PRPF3: variants seen among roughly 807,000 people sequenced by gnomAD.
PRPF3 encodes the protein pre-mRNA processing factor 3, also known as U4/U6 small nuclear ribonucleoprotein Prp3.
PRPF3 carries 3 observed loss-of-function variants against 89.2 expected under a neutral mutation model. That is an observed-to-expected ratio of 0.03 (90% CI 0.02 to 0.09). The LOEUF is 0.09. PRPF3 is among the 10% of genes least tolerant of loss of function. The pLI, the probability that PRPF3 is intolerant of heterozygous loss-of-function variation, is 1.00. For missense variants in PRPF3, 463 were observed against 828.8 expected, an observed-to-expected ratio of 0.56 and a Z score of 5.42; for synonymous variants, 270 against 289.1, an observed-to-expected ratio of 0.93 and a Z score of 0.67.
At chr1:150,323,398 C>T (rs1236923867) in intron 1 of PRPF3, among the ~76,000 whole-genome samples, 3 of 151,770 alleles carry the variant, frequency 2.0e-5, no homozygotes, top group Non-Finnish European at 4.4e-5. Context: ...AATCCCAGAA[C>T]TTTCGGAGGT....
At chr1:150,323,421 A>G (rs1655325464) in intron 1 of PRPF3, among the ~76,000 whole-genome samples, 1 of 151,800 alleles carries the variant, frequency 6.6e-6, no homozygotes, top group African/African-American at 2.4e-5. Flanking sequence ...AGGTGGGCAG[A>G]TCACTTGAGG....
chr1:150,327,665 G>A, intron 3 of PRPF3: 3 of 982,628 alleles, frequency 3.1e-6, no homozygotes, highest in Non-Finnish European at 3.6e-6. Flanking sequence ...GTGTACATTT[G>A]CTTTTTCCCA....
chr1:150,332,590 G>A, intron 4 of PRPF3, 94 bp from the exon 5 acceptor site: 2 of 1,207,666 alleles, frequency 1.7e-6, no homozygotes, highest in Non-Finnish European at 1.2e-6. Flanking sequence ...CATTTTAAGT[G>A]TCTAGACCTG....
chr1:150,323,908 C>G (rs1655400015), intron 1 of PRPF3, among the ~76,000 whole-genome samples: 1 of 150,994 alleles, frequency 6.6e-6, no homozygotes, highest in South Asian at 2.1e-4. Flanking sequence ...TCCCGAGTAG[C>G]TGGGATTACA....
At chr1:150,350,738 A>G (rs911154734) in intron 15 of PRPF3, among the ~76,000 whole-genome samples, 2 of 152,044 alleles carry the variant, frequency 1.3e-5, no homozygotes, top group Admixed American at 1.3e-4. Context: ...AGGTGGTTGG[A>G]TCACTTGAGC....
At chr1:150,338,062 G>A (rs587656181) in intron 7 of PRPF3, 98 bp from the exon 8 acceptor site, 34 of 1,324,008 alleles carry the variant, frequency 2.6e-5, no homozygotes, top group African/African-American at 1.1e-4. Context: ...CAAGAAGAAC[G>A]AAACTCCGTC....
intron 15 of PRPF3, among the ~76,000 whole-genome samples, chr1:150,351,153 T>C (rs1486445097): frequency 6.6e-6 from 1 of 151,970 alleles, no homozygotes; most frequent in African/African-American, 2.4e-5. Context: ...TAATCCCAGC[T>C]ACTTGGGAGG....
chr1:150,337,040 C>T (rs1572234081), intron 7 of PRPF3, among the ~76,000 whole-genome samples: 2 of 121,266 alleles, frequency 1.6e-5, no homozygotes, highest in African/African-American at 6.2e-5. Flanking sequence ...CATAAAATTC[C>T]TTTTTTTTTT....
chr1:150,325,028 C>A lies in PRPF3; in HGVS notation c.86C>A (p.Thr29Lys). The A allele has an allele frequency of 6.2e-7, 1 of 1,613,748 alleles. No homozygotes were observed. The highest frequency in any genetic ancestry group is 8.5e-7 in the Non-Finnish European group (1 of 1,179,884). Residue 29 changes from threonine (T) to lysine (K), a missense_variant, in exon 2 of 16, where the codon ACG (threonine) becomes AAG (lysine). Physicochemically the swap from Thr to Lys is moderately conservative, Grantham distance 78. Around this residue, in one of 8 missense-constraint regions of PRPF3, gnomAD observed 33 missense variants for 83.1 expected, o/e 0.40. Transcript: ENST00000324862. The part of the protein sequence containing the change: ...VKRVLGFSEP[T>K]VVTAALNCVG... ...AGGGTCCTGGGTTTCTCAGAGCCTA[C>A]GGTGGTCACAGCAGCATTGAACTGT...
At chr1:150,334,819 T>A in intron 6 of PRPF3, 116 bp from the exon 7 acceptor site, 1 of 1,253,996 alleles carries the variant, frequency 8.0e-7, no homozygotes, top group South Asian at 1.3e-5. Flanking sequence ...TCCCTCTGCC[T>A]TGGCCTCCCA....
At chr1:150,345,299 C>T (rs980644325) in intron 12 of PRPF3, among the ~76,000 whole-genome samples, 4 of 151,906 alleles carry the variant, frequency 2.6e-5, no homozygotes, top group Non-Finnish European at 5.9e-5. Flanking sequence ...TTCACATATC[C>T]TCCTAGAAAA....
Position 150,344,271 on chromosome 1 carries a change from A to G in PRPF3, c.1526+10A>G, listed in dbSNP as rs782457536. The G allele has an allele frequency of 1.7e-5, 27 of 1,614,016 alleles. No individual in the cohort carries two copies. The South Asian group carries it at 3.0e-4, about 18-fold the overall frequency. Reference sequence around the variant, plus strand: ...TGGCAAAAAGACAGAAGTAAGTGCCATGGGATTGGGTGGAAACCTCGGGCA... The same window carrying G: ...TGGCAAAAAGACAGAAGTAAGTGCCGTGGGATTGGGTGGAAACCTCGGGCA... On this transcript the variant is annotated intron_variant, in intron 11 of 15. Coordinates refer to ENST00000324862, the MANE Select transcript of PRPF3 (RefSeq NM_004698.4).
intron 4 of PRPF3, among the ~76,000 whole-genome samples, chr1:150,329,037 C>CTTCTTTTT (rs1656036713): frequency 7.1e-6 from 1 of 140,482 alleles, no homozygotes; most frequent in African/African-American, 2.7e-5. Context: ...TTGGGGTAAA[C>CTTCTTTTT]TTTTTTTTTT....
At chr1:150,337,011 C>T (rs1453414907) in intron 7 of PRPF3, among the ~76,000 whole-genome samples, 1 of 149,606 alleles carries the variant, frequency 6.7e-6, no homozygotes, top group East Asian at 2.0e-4. Context: ...GCCTTTTTAT[C>T]CTCTCAAAGT....
intron 7 of PRPF3, 23 bp downstream of exon 7, chr1:150,335,264 C>G (rs377465179): frequency 3.7e-6 from 6 of 1,605,500 alleles, no homozygotes; most frequent in Non-Finnish European, 5.1e-6. Context: ...GAGTATAACA[C>G]AGAATTTGGA....
chr1:150,322,486 G>A (rs1655162486), intron 1 of PRPF3, among the ~76,000 whole-genome samples: 1 of 152,170 alleles, frequency 6.6e-6, no homozygotes, highest in African/African-American at 2.4e-5. Flanking sequence ...ATGGCATCTG[G>A]ATATGCCGCT....
intron 9 of PRPF3, among the ~76,000 whole-genome samples, chr1:150,342,078 A>G (rs1165507201): frequency 2.0e-5 from 3 of 151,932 alleles, no homozygotes; most frequent in Admixed American, 6.6e-5. Context: ...ACAACTAAGA[A>G]CACTACTTAA....
chr1:150,346,611 AT>A, intron 14 of PRPF3, 120 bp downstream of exon 14: 1 of 1,048,340 alleles, frequency 9.5e-7, no homozygotes, highest in Non-Finnish European at 1.5e-6. Context: ...GTGTTCAGGA[AT>A]TTTAGAAAGA....
At chr1:150,325,231 G>T in intron 2 of PRPF3, 144 bp downstream of exon 2, 1 of 882,818 alleles carries the variant, frequency 1.1e-6, no homozygotes, top group South Asian at 1.8e-5. Flanking sequence ...AGTGAAAATA[G>T]GCTAAATAAT....
Sources: allele counts gnomAD v4.1 joint callset (sites outside exome capture counted in the v4.1 genomes callset), GRCh38; gene constraint gnomAD v4.1.1; regional missense constraint gnomAD v4.1.1; transcripts MANE v1.5; gene names NCBI Gene and HGNC (gene_info 2026-07-23, HGNC 2026-07-21).